The following GPR137C variants were observed in gnomAD, a reference collection of about 807,000 sequenced individuals.
GPR137C encodes integral membrane protein GPR137C.
Under a neutral mutation model 43.4 loss-of-function variants are expected in GPR137C, and 27 were observed. That is an observed-to-expected ratio of 0.62 (90% CI 0.46 to 0.86). The LOEUF is 0.86. GPR137C is among the 40% of genes least tolerant of loss of function. The pLI, the probability that GPR137C is intolerant of heterozygous loss-of-function variation, is 0.00. For synonymous variants in GPR137C, 285 were observed against 226.9 expected, an observed-to-expected ratio of 1.26 and a Z score of -2.30; for missense variants, 522 against 534.6, an observed-to-expected ratio of 0.98 and a Z score of 0.23.
At chr14:52,569,430 A>G (rs554446179) in intron 1 of GPR137C, among the ~76,000 whole-genome samples, 5 of 152,072 alleles carry the variant, frequency 3.3e-5, no homozygotes, top group Non-Finnish European at 7.4e-5. Context: ...ACAAAACTGG[A>G]TGGAGAATGA....
intron 1 of GPR137C, among the ~76,000 whole-genome samples, chr14:52,580,704 A>G (rs1386271590): frequency 6.6e-6 from 1 of 151,414 alleles, no homozygotes; most frequent in African/African-American, 2.4e-5. Flanking sequence ...TAAGACCCTA[A>G]GAGAGATGCA....
At chr14:52,604,278 G>C (rs2038959400) in intron 3 of GPR137C, among the ~76,000 whole-genome samples, 1 of 152,026 alleles carries the variant, frequency 6.6e-6, no homozygotes, top group Non-Finnish European at 1.5e-5. Flanking sequence ...AATCCCATTT[G>C]TCTATTATTA....
At chr14:52,620,740 C>A (rs868127998) in intron 3 of GPR137C, among the ~76,000 whole-genome samples, 1 of 151,206 alleles carries the variant, frequency 6.6e-6, no homozygotes, top group African/African-American at 2.4e-5. Context: ...ATTAAAAAAA[C>A]CAAATGGAAA....
At chr14:52,592,866 T>C (rs2038802013) in intron 1 of GPR137C, among the ~76,000 whole-genome samples, 1 of 152,194 alleles carries the variant, frequency 6.6e-6, no homozygotes, top group Admixed American at 6.5e-5. Flanking sequence ...TCCAACACTA[T>C]GTTGAATAGG....
At chr14:52,560,802 A>G (rs550990050) in intron 1 of GPR137C, among the ~76,000 whole-genome samples, 1 of 152,334 alleles carries the variant, frequency 6.6e-6, no homozygotes, top group African/African-American at 2.4e-5. Context: ...AGAAGACAGA[A>G]GATGTTTTCT....
intron 6 of GPR137C, 111 bp downstream of exon 6, chr14:52,634,057 A>G (rs1386388964): frequency 1.0e-5 from 7 of 685,832 alleles, no homozygotes; most frequent in Middle Eastern, 2.6e-4. Context: ...TAATATGTCA[A>G]TAAATAAGAT....
At chr14:52,606,974 C>G (rs1011502109) in intron 3 of GPR137C, among the ~76,000 whole-genome samples, 2 of 151,972 alleles carry the variant, frequency 1.3e-5, no homozygotes, top group African/African-American at 4.8e-5. Context: ...CCTATAGTTT[C>G]TGGTATGTTG....
At chr14:52,612,005 T>C (rs1402152956) in intron 3 of GPR137C, 3 of 985,324 alleles carry the variant, frequency 3.0e-6, no homozygotes, top group Non-Finnish European at 3.6e-6. Flanking sequence ...TGGCAGAATG[T>C]TGTTCTTTGG....
chr14:52,594,164 A>AGT (rs2038820151), intron 1 of GPR137C, among the ~76,000 whole-genome samples: 4 of 146,990 alleles, frequency 2.7e-5, no homozygotes, highest in African/African-American at 7.4e-5. Context: ...TAATCCTGAG[A>AGT]TTGATTGCCC....
chr14:52,571,026 C>A (rs996739412), intron 1 of GPR137C, among the ~76,000 whole-genome samples: 1 of 152,168 alleles, frequency 6.6e-6, no homozygotes, highest in Non-Finnish European at 1.5e-5. Flanking sequence ...CCCAAATCAA[C>A]GAAATATACA....
In GPR137C at chr14:52,553,560, C is replaced by T. The variant is rs372313581; in HGVS notation, c.413C>T (p.Thr138Met). Residue 138 changes from threonine to methionine, a missense_variant, in exon 1 of 7, where the codon ACG becomes ATG. Thr to Met is a moderately conservative substitution (Grantham distance 81). This residue lies in a region of GPR137C where 437 missense variants were observed against 425.7 expected (regional missense o/e 1.03). Transcript: ENST00000321662. The stretch of plus-strand genomic sequence containing the variant: ...TTCCCCTCCTGTCTCCAGTTCTCCA[C>T]GCTCTGTCTCCTCAACCTCTACCTG... ...YCFPSCLQFSTLCLLNLYLAE... is the reference protein window; with the variant it reads ...YCFPSCLQFSMLCLLNLYLAE... The T allele has an allele frequency of 3.7e-5, 59 of 1,604,988 alleles. No homozygotes were observed. In the Admixed American group the frequency reaches 8.5e-4, roughly 23 times the overall value.
Position 52,635,202 on chromosome 14 carries a change from T to G in GPR137C, c.*87T>G. The G allele has an allele frequency of 8.8e-7, 1 of 1,137,852 alleles. No homozygotes were observed. Among genetic ancestry groups the G allele is most frequent in the South Asian group, 1.9e-5 (1 of 52,288 alleles). 70.5% of individuals were successfully genotyped at this position (1,137,852 alleles called of 1,614,324 possible). A position where few individuals can be genotyped will look rare whatever the true frequency, so the allele number is the denominator to read the frequency against. On this transcript the variant is annotated 3_prime_UTR_variant, in exon 7 of 7. Transcript: ENST00000321662. ...AAATTCCATCTACATAAACATTCCATTATCTGTTGCAACTGAAAACAAAAT... is the reference window on the plus strand; with the variant it reads ...AAATTCCATCTACATAAACATTCCAGTATCTGTTGCAACTGAAAACAAAAT...
intron 3 of GPR137C, among the ~76,000 whole-genome samples, chr14:52,609,650 T>G (rs2039017692): frequency 6.6e-6 from 1 of 152,216 alleles, no homozygotes; most frequent in South Asian, 2.1e-4. Flanking sequence ...AAGCCTAGGC[T>G]TGCTCCATGT....
At chr14:52,556,310 T>G (rs1437247702) in intron 1 of GPR137C, among the ~76,000 whole-genome samples, 3 of 152,032 alleles carry the variant, frequency 2.0e-5, no homozygotes, top group Non-Finnish European at 2.9e-5. Context: ...TAAAACAAAC[T>G]CTACTACTTT....
intron 3 of GPR137C, among the ~76,000 whole-genome samples, chr14:52,624,044 T>A (rs1287096525): frequency 1.3e-5 from 2 of 151,482 alleles, no homozygotes; most frequent in African/African-American, 4.8e-5. Context: ...AATATGAAAA[T>A]ATATATAATT....
intron 3 of GPR137C, among the ~76,000 whole-genome samples, chr14:52,600,891 A>G (rs8015979): frequency 1.6e-3 from 247 of 152,330 alleles, no homozygotes; most frequent in African/African-American, 5.5e-3. Context: ...TTAAGATGTC[A>G]TATAGGTAAA....
chr14:52,582,366 T>C (rs914053156), intron 1 of GPR137C, among the ~76,000 whole-genome samples: 1 of 152,224 alleles, frequency 6.6e-6, no homozygotes, highest in Non-Finnish European at 1.5e-5. Flanking sequence ...TTTCATATCA[T>C]TGCACATTCC....
At chr14:52,580,406 A>G (rs1255715515) in intron 1 of GPR137C, among the ~76,000 whole-genome samples, 1 of 152,190 alleles carries the variant, frequency 6.6e-6, no homozygotes, top group Admixed American at 6.5e-5. Context: ...CCTGTAGCCC[A>G]AGCTGGAGTT....
intron 1 of GPR137C, among the ~76,000 whole-genome samples, chr14:52,585,292 T>G (rs2038698693): frequency 6.6e-6 from 1 of 152,218 alleles, no homozygotes; most frequent in Non-Finnish European, 1.5e-5. Context: ...GACTCAAAAG[T>G]GTCTTCCTTT....
Sources: allele counts gnomAD v4.1 joint callset (sites outside exome capture counted in the v4.1 genomes callset), GRCh38; gene constraint gnomAD v4.1.1; regional missense constraint gnomAD v4.1.1; transcripts MANE v1.5; gene names NCBI Gene and HGNC (gene_info 2026-07-23, HGNC 2026-07-21).